KCNQ1: variants seen among roughly 807,000 people sequenced by gnomAD.
KCNQ1 encodes the protein potassium voltage-gated channel subfamily Q member 1, also known as potassium voltage-gated channel subfamily KQT member 1.
A neutral mutation model predicts 72.4 loss-of-function variants in KCNQ1; 49 were observed. The observed-to-expected ratio is 0.68, with a 90% CI of 0.54 to 0.86. KCNQ1 has a LOEUF of 0.86. Among genes scored for constraint, KCNQ1 ranks in the 40% least tolerant of loss-of-function variants. KCNQ1 has a pLI of 0.00. For synonymous variants in KCNQ1, 450 were observed against 412.6 expected (o/e 1.09, Z -1.10); for missense variants, 790 against 945.1 (o/e 0.84, Z 2.15).
At chr11:2,794,545 C>T (rs1000019570) in intron 15 of KCNQ1, among the ~76,000 whole-genome samples, 1 of 152,032 alleles carries the variant, frequency 6.6e-6, no homozygotes, top group African/African-American at 2.4e-5. Flanking sequence ...TCATGTGACT[C>T]AGCCCTGAGC....
rs935188643 is a variant in KCNQ1, at chr11:2,509,696, G to A, written c.387-18232G>A. ...CTCTGCTTTGTTCCTCCTCAGCTGT[G>A]AACTGTCTGGGACTGGGCCAGGAGA... On this transcript the variant is annotated intron_variant, in intron 1 of 15. Transcript: ENST00000155840. The surrounding 1 kb of genome is among the most constrained non-coding windows in gnomAD (Gnocchi z 6.3). Among the ~76,000 whole-genome samples the A allele has an allele frequency of 2.0e-5, 3 of 152,106 alleles. No individual in the cohort carries two copies. The highest frequency in any genetic ancestry group is 4.8e-5 in the African/African-American group (2 of 41,392).
At position 2,468,326 on chromosome 11, in the gene KCNQ1, T is replaced by C. The variant is rs1846384748; in HGVS notation, c.386+22842T>C. 6.6e-6 allele frequency among the ~76,000 whole-genome samples: 1 copy of C among 152,126 alleles called. No homozygotes were observed. The highest frequency in any genetic ancestry group is 2.4e-5 in the African/African-American group (1 of 41,424). On this transcript the variant is annotated intron_variant, in intron 1 of 15. Coordinates refer to ENST00000155840, the MANE Select transcript of KCNQ1 (RefSeq NM_000218.3). The surrounding 1 kb of genome is among the most constrained non-coding windows in gnomAD (Gnocchi z 5.7). ...CACGCCTGGCTAATTTTTGTATTTT[T>C]TGTAGAGATGGGGTCTTGCTATATT...
intron 11 of KCNQ1, chr11:2,672,421 C>G (rs149264822): frequency 2.5e-6 from 1 of 398,600 alleles, no homozygotes; most frequent in East Asian, 3.6e-5. Context: ...GAGTACAGAA[C>G]AGTCCACCCC....
chr11:2,621,768 G>A lies in KCNQ1; in HGVS notation c.1393+32914G>A. 2 of 398,098 alleles carry A rather than the reference G, an allele frequency of 5.0e-6. No homozygotes were observed. The highest frequency in any genetic ancestry group is 8.9e-6 in the Non-Finnish European group (2 of 225,896). The allele number at this position is 398,098 out of a possible 1,614,324, so 24.7% of individuals were successfully genotyped here. On this transcript the variant is annotated intron_variant, in intron 10 of 15. Transcript: ENST00000155840. This position sits in a 1 kb window ranked among gnomAD's most constrained non-coding sequence, Gnocchi z 5.7. Reference sequence around the variant, plus strand: ...ATTTCTGATTTTGTCCTCTTTCTTAGTCCAAGAGTTTGTTGATTTTATTTT... The same window carrying A: ...ATTTCTGATTTTGTCCTCTTTCTTAATCCAAGAGTTTGTTGATTTTATTTT...
rs959999817 is a variant in KCNQ1 at position 2,769,375 on chromosome 11, C to T, written c.1590+456C>T. Reference sequence around the variant, plus strand: ...GGCTCAGTGCTCTCATTCCCTGCTCCTCCACCCTCTGTGAGTTGGGAGGAT... The same window carrying T: ...GGCTCAGTGCTCTCATTCCCTGCTCTTCCACCCTCTGTGAGTTGGGAGGAT... On this transcript the variant is annotated intron_variant, in intron 12 of 15. Transcript: ENST00000155840. This position sits in a 1 kb window ranked among gnomAD's most constrained non-coding sequence, Gnocchi z 4.6. Among the ~76,000 whole-genome samples, 15 of 152,324 alleles carry T rather than the reference C, an allele frequency of 9.8e-5. No individual in the cohort carries two copies. Among genetic ancestry groups the T allele is most frequent in the Non-Finnish European group, 2.1e-4 (14 of 68,026 alleles).
intron 6 of KCNQ1, among the ~76,000 whole-genome samples, chr11:2,581,141 G>A (rs1034368381): frequency 1.3e-5 from 2 of 152,216 alleles, no homozygotes; most frequent in African/African-American, 4.8e-5. Flanking sequence ...GGGGCCCTCC[G>A]AGCTCAAGGC....
intron 6 of KCNQ1, 80 bp from the exon 7 acceptor site, chr11:2,583,355 G>C: frequency 1.1e-6 from 1 of 946,588 alleles, no homozygotes; most frequent in Non-Finnish European, 1.7e-6. Context: ...GCTCATCAGA[G>C]TGGTGGGTTT....
intron 2 of KCNQ1, among the ~76,000 whole-genome samples, chr11:2,557,142 G>T (rs1156846165): frequency 6.6e-6 from 1 of 152,180 alleles, no homozygotes; most frequent in Non-Finnish European, 1.5e-5. Context: ...CCAAGAAACT[G>T]CAAGCTAAAA....
Position 2,644,550 on chromosome 11 carries a change from C to T in KCNQ1, c.1394-17411C>T, listed in dbSNP as rs2133834371. On this transcript the variant is annotated intron_variant, in intron 10 of 15. Transcript: ENST00000155840. ...TATATTGAATTTTTCAAGGTTTCAT[C>T]AATTTCTTTTTCACTGGAATCTGTT... is the stretch of plus-strand genomic sequence containing the variant. The T allele has an allele frequency of 1.0e-5, 4 of 398,368 alleles. No individual in the cohort carries two copies. The East Asian group carries it at 1.4e-4, about 14-fold the overall frequency. 24.7% of individuals were successfully genotyped at this position (398,368 alleles called of 1,614,324 possible).
Position 2,690,869 on chromosome 11 carries a change from G to A in KCNQ1, c.1514+28788G>A. On this transcript the variant is annotated intron_variant, in intron 11 of 15. Transcript: ENST00000155840. This position sits in a 1 kb window ranked among gnomAD's most constrained non-coding sequence, Gnocchi z 5.1. ...AGGAACAGGTACCTTTAGGGACACAGGAGTGTAAGCCACTGTTTCCGTCTG... is the reference window on the plus strand; with the variant it reads ...AGGAACAGGTACCTTTAGGGACACAAGAGTGTAAGCCACTGTTTCCGTCTG... 2.5e-6 allele frequency: 1 copy of A among 398,640 alleles called. No homozygotes were observed. The highest frequency in any genetic ancestry group is 4.4e-6 in the Non-Finnish European group (1 of 226,068). 24.7% of individuals were successfully genotyped at this position (398,640 alleles called of 1,614,324 possible).
At chr11:2,512,114 G>T (rs1847216799) in intron 1 of KCNQ1, among the ~76,000 whole-genome samples, 1 of 152,182 alleles carries the variant, frequency 6.6e-6, no homozygotes, top group African/African-American at 2.4e-5. Flanking sequence ...CAAATGCCAG[G>T]GCTTCCCATG....
intron 1 of KCNQ1, among the ~76,000 whole-genome samples, chr11:2,513,734 G>A (rs929168020): frequency 4.6e-5 from 7 of 152,194 alleles, no homozygotes; most frequent in Admixed American, 3.3e-4. Context: ...TGCAGGTTGG[G>A]TTCTCCTCTC....
chr11:2,586,200 G>A (rs561981274), intron 8 of KCNQ1, among the ~76,000 whole-genome samples: 1 of 152,328 alleles, frequency 6.6e-6, no homozygotes, highest in Admixed American at 6.5e-5. Flanking sequence ...ATGTCCCCCA[G>A]GAAGGCCCAG....
Position 2,681,180 on chromosome 11 carries a change from GAA to G in KCNQ1, c.1514+19103_1514+19104del, listed in dbSNP as rs1850390252. 1.0e-5 allele frequency: 4 copies of G among 398,570 alleles called. 1 individual carries two copies. In the South Asian group the frequency reaches 3.8e-4, roughly 38 times the overall value. The allele number at this position is 398,570 out of a possible 1,614,324, so 24.7% of individuals were successfully genotyped here. On this transcript the variant is annotated intron_variant, in intron 11 of 15. Coordinates refer to ENST00000155840, the MANE Select transcript of KCNQ1 (RefSeq NM_000218.3). ...TACTTCTGAATGCTAAGAGGGTTTG[GAA>G]AAAGTCATTTTTGCAGTGTTTGTGT... is the stretch of plus-strand genomic sequence containing the variant.
At chr11:2,796,913 C>T (rs1399255593) in intron 15 of KCNQ1, among the ~76,000 whole-genome samples, 1 of 152,228 alleles carries the variant, frequency 6.6e-6, no homozygotes, top group African/African-American at 2.4e-5. Context: ...TTATCCCGAC[C>T]GTAAATGGTT....
In KCNQ1 at chr11:2,772,883, G is replaced by A. The variant is rs1051244866; in HGVS notation, c.1591-3077G>A. Among the ~76,000 whole-genome samples, 3 of 152,292 alleles carry A rather than the reference G, an allele frequency of 2.0e-5. No homozygotes were observed. Among genetic ancestry groups the A allele is most frequent in the African/African-American group, 7.2e-5 (3 of 41,564 alleles). On this transcript the variant is annotated intron_variant, in intron 12 of 15. Coordinates refer to ENST00000155840, the MANE Select transcript of KCNQ1 (RefSeq NM_000218.3). This position sits in a 1 kb window ranked among gnomAD's most constrained non-coding sequence, Gnocchi z 6.6. Reference sequence around the variant, plus strand: ...CACCTGCCCACACCGCACCCAGATGGCTGGAGGTGCCCCATGCTTCAGCTT... The same window carrying A: ...CACCTGCCCACACCGCACCCAGATGACTGGAGGTGCCCCATGCTTCAGCTT...
In KCNQ1 at chr11:2,645,927, C is replaced by T; in HGVS notation, c.1394-16034C>T. On this transcript the variant is annotated intron_variant, in intron 10 of 15. Transcript: ENST00000155840. The surrounding 1 kb of genome is among the most constrained non-coding windows in gnomAD (Gnocchi z 5.8). The stretch of plus-strand genomic sequence containing the variant: ...TGCCATTTCACAGTCTGTAGGTAGC[C>T]TCTTGTTAGTCTCAAGGCATCTATG... 1 of 398,622 alleles carries T rather than the reference C, an allele frequency of 2.5e-6. No homozygotes were observed. The highest frequency in any genetic ancestry group is 4.4e-5 in the Admixed American group (1 of 22,738). The allele number at this position is 398,622 out of a possible 1,614,324, so 24.7% of individuals were successfully genotyped here.
intron 11 of KCNQ1, chr11:2,667,692 G>T: frequency 2.5e-6 from 1 of 398,754 alleles, no homozygotes; most frequent in South Asian, 1.3e-4. Context: ...GCACGGAGGT[G>T]ACCTAGTCAG....
intron 1 of KCNQ1, among the ~76,000 whole-genome samples, chr11:2,472,730 A>C (rs11604486): frequency 0.56 from 84,479 of 151,600 alleles, 24,619 homozygotes; most frequent in Non-Finnish European, 0.64. Flanking sequence ...GCCCCTGCCC[A>C]TTGTCAGGCT....
Sources: allele counts gnomAD v4.1 joint callset (sites outside exome capture counted in the v4.1 genomes callset), GRCh38; gene constraint gnomAD v4.1.1; non-coding constraint Gnocchi (gnomAD v3.1); transcripts MANE v1.5; gene names NCBI Gene and HGNC (gene_info 2026-07-23, HGNC 2026-07-21).